PKHD1L1: variants seen among roughly 807,000 people sequenced by gnomAD.
PKHD1L1 encodes PKHD1 like 1.
In PKHD1L1, 434 loss-of-function variants were observed where a neutral mutation model predicts 462.9. The ratio of observed to expected loss-of-function variants is 0.94; its 90% CI spans 0.87 to 1.02. The LOEUF (loss-of-function observed/expected upper bound fraction) is 1.02, where lower values mean the gene tolerates loss of function less well. PKHD1L1 is among the 50% of genes least tolerant of loss of function. The probability of loss-of-function intolerance (pLI) is 0.00; values close to 1 mark genes in which losing one functional copy is unlikely to be tolerated. For missense variants in PKHD1L1, 5,202 were observed against 5,096.1 expected, an observed-to-expected ratio of 1.02 and a Z score of -0.63; for synonymous variants, 1,781 against 1,750.0, an observed-to-expected ratio of 1.02 and a Z score of -0.44.
At chr8:109,442,865 T>C in intron 35 of PKHD1L1, 81 bp from the exon 36 acceptor site, 6 of 1,317,768 alleles carry the variant, frequency 4.6e-6, no homozygotes, top group Non-Finnish European at 6.5e-6. Flanking sequence ...ATTTAAATGA[T>C]CATTTCAAAT....
chr8:109,398,504 G>C lies in PKHD1L1; in HGVS notation c.968G>C (p.Cys323Ser). ...ILNVTENSIC[C>S]KTPPKPHILK... ...AATGTCACAGAAAATAGTATATGTTGCAAGACACCCCCCAAACCTCATATT... is the reference window on the plus strand; with the variant it reads ...AATGTCACAGAAAATAGTATATGTTCCAAGACACCCCCCAAACCTCATATT... Residue 323 changes from cysteine to serine, a missense_variant, in exon 12 of 78, where the codon TGC becomes TCC. Physicochemically the swap from Cys to Ser is moderately radical, Grantham distance 112. Around this residue, in one of 3 missense-constraint regions of PKHD1L1, gnomAD observed 4,497 missense variants for 4,336.8 expected, o/e 1.04. Coordinates refer to ENST00000378402, the MANE Select transcript of PKHD1L1 (RefSeq NM_177531.6). 2 of 1,574,204 alleles carry C rather than the reference G, an allele frequency of 1.3e-6. No individual in the cohort carries two copies. The highest frequency in any genetic ancestry group is 1.7e-6 in the Non-Finnish European group (2 of 1,156,324).
chr8:109,529,415 ATTTC>A lies in PKHD1L1; in HGVS notation c.12722-661_12722-658del, dbSNP rs561441737. The stretch of plus-strand genomic sequence containing the variant: ...TTTATTTTATAATAGGATGACAAGC[ATTTC>A]TTTAATTAATTTTATTTTTTTCTCA... On this transcript the variant is annotated intron_variant, in intron 77 of 77. Coordinates refer to ENST00000378402, the MANE Select transcript of PKHD1L1 (RefSeq NM_177531.6). Among the ~76,000 whole-genome samples, 181 of 152,282 alleles carry A rather than the reference ATTTC, an allele frequency of 1.2e-3. 1 individual carries two copies. The highest frequency in any genetic ancestry group is 4.2e-3 in the African/African-American group (175 of 41,568).
chr8:109,496,957 G>A lies in PKHD1L1; in HGVS notation c.10366G>A (p.Ala3456Thr), dbSNP rs1006342700. Residue 3456 changes from alanine (A) to threonine (T), a missense_variant, in exon 64 of 78, where the codon GCC becomes ACC. Ala to Thr is a moderately conservative substitution (Grantham distance 58, BLOSUM62 0). This residue lies in a region of PKHD1L1 where 4,497 missense variants were observed against 4,336.8 expected (regional missense o/e 1.04). Coordinates refer to ENST00000378402, the MANE Select transcript of PKHD1L1 (RefSeq NM_177531.6). ...NPVEKWFDNE[A>T]HGGLYGIYMN... The stretch of plus-strand genomic sequence containing the variant: ...TGTGGAAAAGTGGTTTGACAATGAA[G>A]CCCATGGAGGTTTATATGGGATCTA... 1.2e-6 allele frequency: 2 copies of A among 1,613,384 alleles called. No individual in the cohort carries two copies. The highest frequency in any genetic ancestry group is 1.7e-6 in the Non-Finnish European group (2 of 1,179,456).
chr8:109,410,811 C>T (rs544937631), intron 19 of PKHD1L1, among the ~76,000 whole-genome samples: 1 of 146,108 alleles, frequency 6.8e-6, no homozygotes, highest in African/African-American at 2.6e-5. Context: ...TCACTGCAAC[C>T]TCCACCTCCC....
At chr8:109,454,649 A>G (rs2130797670) in intron 44 of PKHD1L1, 74 bp from the exon 45 acceptor site, 2 of 1,552,998 alleles carry the variant, frequency 1.3e-6, no homozygotes, top group South Asian at 1.2e-5. Flanking sequence ...ATAGAAAAGA[A>G]CTACTTTTGT....
At chr8:109,447,773 A>G (rs1442758947) in intron 38 of PKHD1L1, among the ~76,000 whole-genome samples, 4 of 152,234 alleles carry the variant, frequency 2.6e-5, no homozygotes, top group African/African-American at 9.6e-5. Flanking sequence ...TAAAGATAGT[A>G]AGCCTCATCC....
In PKHD1L1 at chr8:109,456,273, C is replaced by G; in HGVS notation, c.6886C>G (p.Pro2296Ala). The G allele has an allele frequency of 6.2e-7, 1 of 1,612,364 alleles. No homozygotes were observed. ...GILDLHGVPVPVTWTRLAHTA... is the reference protein window; with the variant it reads ...GILDLHGVPVAVTWTRLAHTA... Reference sequence around the variant, plus strand: ...TATGTTGGTTCTAGGTGTGCCTGTTCCTGTGACCTGGACTCGCTTGGCTCA... The same window carrying G: ...TATGTTGGTTCTAGGTGTGCCTGTTGCTGTGACCTGGACTCGCTTGGCTCA... The change falls in exon 46 of 78, where the codon CCT (proline) becomes GCT (alanine). Residue 2296 changes from proline (P) to alanine (A), a missense_variant. Physicochemically the swap from Pro to Ala is conservative, Grantham distance 27 (BLOSUM62 -1). Transcript: ENST00000378402.
rs555301903 is a variant in PKHD1L1, at chr8:109,405,026, A to C, written c.1565A>C (p.Asn522Thr). 6.6e-7 allele frequency: 1 copy of C among 1,522,458 alleles called. No individual in the cohort carries two copies. Among genetic ancestry groups the C allele is most frequent in the Admixed American group, 2.1e-5 (1 of 48,454 alleles). 94.3% of individuals were successfully genotyped at this position (1,522,458 alleles called of 1,614,324 possible). ...ACATTGGAAAACTGGGAAACAACTAATGCAATTAATGAGGTTCAGAAGATC... is the reference window on the plus strand; with the variant it reads ...ACATTGGAAAACTGGGAAACAACTACTGCAATTAATGAGGTTCAGAAGATC... ...VITLENWETTNAINEVQKIKV... is the reference protein window; with the variant it reads ...VITLENWETTTAINEVQKIKV... Residue 522 changes from asparagine to threonine, a missense_variant, in exon 16 of 78, where the codon AAT becomes ACT. Physicochemically the swap from Asn to Thr is moderately conservative, Grantham distance 65 (BLOSUM62 0). Coordinates refer to ENST00000378402, the MANE Select transcript of PKHD1L1 (RefSeq NM_177531.6).
chr8:109,459,861 G>T (rs754070569), intron 47 of PKHD1L1, 25 bp downstream of exon 47: 3 of 1,586,268 alleles, frequency 1.9e-6, no homozygotes, highest in Admixed American at 1.7e-5. Context: ...TCTCGTGGTT[G>T]GTATAATCAT....
At chr8:109,459,097 T>G (rs975672042) in intron 46 of PKHD1L1, among the ~76,000 whole-genome samples, 7 of 152,132 alleles carry the variant, frequency 4.6e-5, no homozygotes, top group Admixed American at 6.6e-5. Context: ...GGTTCTCAAC[T>G]TGTGCATGAC....
Position 109,389,150 on chromosome 8 carries a change from T to G in PKHD1L1, c.695T>G (p.Ile232Ser). The G allele has an allele frequency of 6.2e-7, 1 of 1,602,498 alleles. No individual in the cohort carries two copies. The highest frequency in any genetic ancestry group is 8.5e-7 in the Non-Finnish European group (1 of 1,170,778). Residue 232 changes from isoleucine (I) to serine (S), a missense_variant and splice_region_variant, in exon 8 of 78, where the codon ATT becomes AGT. By Grantham distance (142) the Ile-to-Ser change is moderately radical. This residue lies in a region of PKHD1L1 where 4,497 missense variants were observed against 4,336.8 expected (regional missense o/e 1.04). Transcript: ENST00000378402. ...SMVCKTTGTF[I>S]GHHNVSFILD... ...GTTTGTAAGACGACTGGAACTTTTA[T>G]TGGCAAGTGTTGGTCATCTTTCTTC...
At chr8:109,481,294 C>T (rs1386965672) in intron 55 of PKHD1L1, 139 bp from the exon 56 acceptor site, 2 of 718,802 alleles carry the variant, frequency 2.8e-6, no homozygotes, top group East Asian at 3.1e-5. Context: ...AAGTCACTTC[C>T]AGTTATAATG....
At chr8:109,395,698 G>A (rs576098217) in intron 10 of PKHD1L1, among the ~76,000 whole-genome samples, 36 of 152,292 alleles carry the variant, frequency 2.4e-4, no homozygotes, top group Non-Finnish European at 4.3e-4. Context: ...TTCTTCAAGA[G>A]CATATGGAAG....
intron 26 of PKHD1L1, 45 bp from the exon 27 acceptor site, chr8:109,429,887 G>C (rs747451897): frequency 1.1e-5 from 14 of 1,270,246 alleles, no homozygotes; most frequent in South Asian, 7.4e-5. Context: ...TTCTACTGCT[G>C]CCTCTTTGCC....
At position 109,512,502 on chromosome 8, in the gene PKHD1L1, T is replaced by C. The variant is rs1274784251; in HGVS notation, c.11553+1568T>C. On this transcript the variant is annotated intron_variant, in intron 71 of 77. Transcript: ENST00000378402. ...CTCGGGTTTGCCAAAGATCAGATAG[T>C]TGTAGATATGCGGCATTATTTCTGA... 3.3e-5 allele frequency among the ~76,000 whole-genome samples: 5 copies of C among 152,288 alleles called. No homozygotes were observed. In the South Asian group the frequency reaches 6.2e-4, roughly 19 times the overall value.
chr8:109,529,340 T>C (rs914881138), intron 77 of PKHD1L1, among the ~76,000 whole-genome samples: 2 of 152,194 alleles, frequency 1.3e-5, no homozygotes, highest in African/African-American at 4.8e-5. Flanking sequence ...TATGTTATTT[T>C]TATGCCAGTT....
rs1213191606 is a variant in PKHD1L1, at chr8:109,532,971, T to A, written c.*2881T>A. Among the ~76,000 whole-genome samples, 1 of 152,250 alleles carries A rather than the reference T, an allele frequency of 6.6e-6. No individual in the cohort carries two copies. The highest frequency in any genetic ancestry group is 1.5e-5 in the Non-Finnish European group (1 of 68,038). ...TTTCCTTACAGCAATCCTATGAGGA[T>A]AACCTTATTCCCTTCTCCAAATGAG... is the stretch of plus-strand genomic sequence containing the variant. On this transcript the variant is annotated 3_prime_UTR_variant, in exon 78 of 78. Transcript: ENST00000378402.
intron 2 of PKHD1L1, among the ~76,000 whole-genome samples, chr8:109,375,956 A>C (rs1811798939): frequency 6.6e-6 from 1 of 152,202 alleles, no homozygotes; most frequent in African/African-American, 2.4e-5. Flanking sequence ...TCATGGACCC[A>C]CTTGAGGAGG....
intron 2 of PKHD1L1, among the ~76,000 whole-genome samples, chr8:109,374,220 T>C (rs570812517): frequency 6.6e-6 from 1 of 152,344 alleles, no homozygotes; most frequent in East Asian, 1.9e-4. Flanking sequence ...GATAGTTAGC[T>C]CTTCTTGTTG....
Sources: allele counts gnomAD v4.1 joint callset (sites outside exome capture counted in the v4.1 genomes callset), GRCh38; gene constraint gnomAD v4.1.1; regional missense constraint gnomAD v4.1.1; transcripts MANE v1.5; gene names NCBI Gene and HGNC (gene_info 2026-07-23, HGNC 2026-07-21).